Variants in SOX6 observed in about 807,000 individuals in gnomAD.
The protein encoded by SOX6 is transcription factor SOX-6.
SOX6 carries 11 observed loss-of-function variants against 97.8 expected under a neutral mutation model. The observed-to-expected ratio is 0.11, with a 90% CI of 0.07 to 0.19. SOX6 has a LOEUF of 0.19. SOX6 is among the 10% of genes least tolerant of loss of function. The pLI is 1.00. For synonymous variants in SOX6, 360 were observed against 371.4 expected (o/e 0.97, Z 0.35); for missense variants, 810 against 1,039.5 (o/e 0.78, Z 3.04).
intron 7 of SOX6, among the ~76,000 whole-genome samples, chr11:16,098,803 C>T (rs1848866440): frequency 6.6e-6 from 1 of 151,744 alleles, no homozygotes; most frequent in Admixed American, 6.6e-5. Context: ...AATGAATAGA[C>T]AGCTTAGAAA....
intron 4 of SOX6, among the ~76,000 whole-genome samples, chr11:16,510,756 T>C (rs1045201922): frequency 6.6e-6 from 1 of 152,152 alleles, no homozygotes; most frequent in Admixed American, 6.5e-5. Flanking sequence ...ATTGTTGTTA[T>C]ATGTACATCC....
chr11:16,090,224 G>A (rs953821350), intron 9 of SOX6, among the ~76,000 whole-genome samples: 1 of 152,046 alleles, frequency 6.6e-6, no homozygotes, highest in Non-Finnish European at 1.5e-5. Flanking sequence ...CTTGTATCAG[G>A]AGAGATAGAG....
intron 1 of SOX6, among the ~76,000 whole-genome samples, chr11:16,415,099 A>G (rs1858900125): frequency 6.6e-6 from 1 of 152,146 alleles, no homozygotes; most frequent in Admixed American, 6.5e-5. Flanking sequence ...TTATTTTGCA[A>G]ATGAGTAAGA....
At chr11:16,256,658 C>A (rs949457645) in intron 3 of SOX6, among the ~76,000 whole-genome samples, 6 of 151,790 alleles carry the variant, frequency 4.0e-5, no homozygotes, top group African/African-American at 1.4e-4. Context: ...GGGAGGATGT[C>A]CCCTCTTACC....
At chr11:16,097,825 A>G in intron 7 of SOX6, 137 bp from the exon 8 acceptor site, 1 of 822,210 alleles carries the variant, frequency 1.2e-6, no homozygotes, top group Admixed American at 2.0e-5. Context: ...CAAAAGGCTT[A>G]GTTGGGCACA....
chr11:16,022,083 C>T (rs1855075460), intron 12 of SOX6, among the ~76,000 whole-genome samples: 1 of 152,126 alleles, frequency 6.6e-6, no homozygotes, highest in African/African-American at 2.4e-5. Context: ...ATGGAATAGA[C>T]AATGCTCATG....
intron 4 of SOX6, among the ~76,000 whole-genome samples, chr11:16,606,748 C>T (rs1255508856): frequency 6.6e-6 from 1 of 152,166 alleles, no homozygotes; most frequent in African/African-American, 2.4e-5. Context: ...GTGTCCCTGT[C>T]CCTGCCCTTT....
At chr11:16,522,768 A>C (rs1362762891) in intron 4 of SOX6, among the ~76,000 whole-genome samples, 1 of 152,198 alleles carries the variant, frequency 6.6e-6, no homozygotes, top group Non-Finnish European at 1.5e-5. Context: ...TAGGCTCAAA[A>C]TAAAAGGATG....
chr11:16,416,616 T>A (rs1402460817), intron 1 of SOX6, among the ~76,000 whole-genome samples: 2 of 152,212 alleles, frequency 1.3e-5, no homozygotes, highest in Non-Finnish European at 2.9e-5. Flanking sequence ...ACTTTAAGCA[T>A]CCACGACACT....
intron 12 of SOX6, among the ~76,000 whole-genome samples, chr11:16,024,968 A>G (rs1855175103): frequency 6.6e-6 from 1 of 152,144 alleles, no homozygotes; most frequent in Non-Finnish European, 1.5e-5. Context: ...GACTCTTGTC[A>G]CTGACCATCA....
intron 1 of SOX6, among the ~76,000 whole-genome samples, chr11:16,387,378 G>C (rs1007986208): frequency 6.6e-5 from 10 of 152,018 alleles, no homozygotes; most frequent in Middle Eastern, 3.4e-3. Flanking sequence ...CACAAATCTT[G>C]CAAAAGATGC....
intron 9 of SOX6, among the ~76,000 whole-genome samples, chr11:16,057,552 T>C (rs1847848873): frequency 6.6e-6 from 1 of 152,158 alleles, no homozygotes; most frequent in Non-Finnish European, 1.5e-5. Context: ...AAATCTGAAC[T>C]AATTTATTCC....
At chr11:16,053,812 T>A (rs529418456) in intron 10 of SOX6, among the ~76,000 whole-genome samples, 165 of 152,250 alleles carry the variant, frequency 1.1e-3, no homozygotes, top group African/African-American at 3.7e-3. Flanking sequence ...GAAAAAGCAA[T>A]GACTATAAAG....
chr11:16,219,773 A>G (rs763662736), intron 4 of SOX6, among the ~76,000 whole-genome samples: 8 of 152,026 alleles, frequency 5.3e-5, no homozygotes, highest in Non-Finnish European at 1.0e-4. Context: ...ACTATGGGCC[A>G]GTTCCTAATG....
Position 16,649,917 on chromosome 11 carries a change from C to T in SOX6, n.430-37657G>A, listed in dbSNP as rs78303842. Among the ~76,000 whole-genome samples the T allele has an allele frequency of 7.1e-3, 1,085 of 151,976 alleles. 15 individuals are homozygous for T. Among genetic ancestry groups the T allele is most frequent in the African/African-American group, 0.024 (979 of 41,452 alleles). On this transcript the variant is annotated intron_variant and non_coding_transcript_variant, in intron 3 of 5. Coordinates refer to the SOX6 transcript ENST00000524520. Reference sequence around the variant, plus strand: ...ACCCAACACATAAGGACTCACATAACCGAAAGGTAAAGGGGTAAAAAAGGA... The same window carrying T: ...ACCCAACACATAAGGACTCACATAATCGAAAGGTAAAGGGGTAAAAAAGGA...
chr11:16,494,504 G>C (rs1410191778), intron 4 of SOX6, among the ~76,000 whole-genome samples: 1 of 152,064 alleles, frequency 6.6e-6, no homozygotes, highest in East Asian at 1.9e-4. Context: ...GTATAATAAA[G>C]TACCATTTGT....
chr11:16,569,364 C>T (rs4643039), intron 4 of SOX6, among the ~76,000 whole-genome samples: 149,812 of 152,302 alleles, frequency 0.98, 73,736 homozygotes, highest in East Asian at 1. Flanking sequence ...CAAAGAAATT[C>T]AAATATCAAC....
intron 4 of SOX6, among the ~76,000 whole-genome samples, chr11:16,573,627 G>GA (rs1465256115): frequency 1.2e-4 from 18 of 152,182 alleles, no homozygotes; most frequent in Non-Finnish European, 1.8e-4. Flanking sequence ...CAATAGTGGG[G>GA]AAAAAACGAA....
chr11:16,239,794 C>T (rs1399674076), intron 3 of SOX6, among the ~76,000 whole-genome samples: 2 of 151,886 alleles, frequency 1.3e-5, no homozygotes, highest in African/African-American at 4.8e-5. Flanking sequence ...GTGCCAGCTC[C>T]CCTTTTGCTC....
Sources: allele counts gnomAD v4.1 joint callset (sites outside exome capture counted in the v4.1 genomes callset), GRCh38; gene constraint gnomAD v4.1.1; transcripts MANE v1.5; gene names NCBI Gene and HGNC (gene_info 2026-07-23, HGNC 2026-07-21).